Variants in OPCML observed in about 807,000 individuals in gnomAD.
OPCML encodes the protein opioid-binding protein/cell adhesion molecule.
OPCML carries 13 observed loss-of-function variants against 37.8 expected under a neutral mutation model. The ratio of observed to expected loss-of-function variants is 0.34; its 90% confidence interval spans 0.22 to 0.55. The LOEUF (loss-of-function observed/expected upper bound fraction) is 0.55, where lower values mean the gene tolerates loss of function less well. Among genes scored for constraint, OPCML ranks in the 20% least tolerant of loss-of-function variants. The pLI, the probability that OPCML is intolerant of heterozygous loss-of-function variation, is 0.91. For synonymous variants in OPCML, 176 were observed against 168.8 expected (o/e 1.04, Z -0.33); for missense variants, 341 against 435.6 (o/e 0.78, Z 1.93).
At chr11:132,917,230 G>T (rs1944637776) in intron 2 of OPCML, among the ~76,000 whole-genome samples, 2 of 152,178 alleles carry the variant, frequency 1.3e-5, no homozygotes, top group Admixed American at 1.3e-4. Flanking sequence ...ATTATAACTT[G>T]CCTGCTCACC....
At position 133,421,799 on chromosome 11, in the gene OPCML, C is replaced by T. The variant is rs970570137; in HGVS notation, c.61+110465G>A. 15 of 984,012 alleles carry T rather than the reference C, an allele frequency of 1.5e-5. No individual in the cohort carries two copies. In the African/African-American group the frequency reaches 2.4e-4, roughly 16 times the overall value. The allele number at this position is 984,012 out of a possible 1,614,324, so 61.0% of individuals were successfully genotyped here. A position where few individuals can be genotyped will look rare whatever the true frequency, so the allele number is the denominator to read the frequency against. ...TGGATATCAATTGCTTTCGAGTCTT[C>T]CAGCTGAGTCCTCAGGCACCACAGA... On this transcript the variant is annotated intron_variant, in intron 1 of 7. Transcript: ENST00000524381.
chr11:132,633,852 A>C (rs1940309287), intron 3 of OPCML, among the ~76,000 whole-genome samples: 1 of 151,744 alleles, frequency 6.6e-6, no homozygotes. Flanking sequence ...CCAACTAAAA[A>C]GGGTTTCAAC....
chr11:133,249,464 G>C (rs559401474), intron 1 of OPCML, among the ~76,000 whole-genome samples: 2 of 152,066 alleles, frequency 1.3e-5, no homozygotes, highest in African/African-American at 4.8e-5. Context: ...CCAACATTGC[G>C]GATCAAATTT....
intron 1 of OPCML, among the ~76,000 whole-genome samples, chr11:133,202,157 G>T (rs184969068): frequency 5.9e-5 from 9 of 152,292 alleles, no homozygotes; most frequent in African/African-American, 1.7e-4. Context: ...AGGGGTCTCT[G>T]CCGAGGTAAC....
chr11:133,392,803 C>A (rs1945200985), intron 1 of OPCML, among the ~76,000 whole-genome samples: 2 of 152,206 alleles, frequency 1.3e-5, no homozygotes, highest in Non-Finnish European at 2.9e-5. Context: ...ACAGTTGATT[C>A]TTATTTTTCA....
At chr11:133,243,117 A>G (rs2136415305) in intron 1 of OPCML, among the ~76,000 whole-genome samples, 1 of 152,314 alleles carries the variant, frequency 6.6e-6, no homozygotes, top group East Asian at 1.9e-4. Flanking sequence ...AAACTCCAGA[A>G]TCTACTGAAA....
In OPCML at chr11:132,700,814, T is replaced by C. The variant is rs1424649436; in HGVS notation, c.147-43495A>G. Among the ~76,000 whole-genome samples the C allele has an allele frequency of 3.3e-5, 5 of 152,172 alleles. No individual in the cohort carries two copies. In the East Asian group the frequency reaches 5.8e-4, roughly 18 times the overall value. On this transcript the variant is annotated intron_variant, in intron 2 of 7. Coordinates refer to ENST00000524381, the MANE Select transcript of OPCML (RefSeq NM_001012393.5). Reference sequence around the variant, plus strand: ...GTTAGGTCTATTTTGGCTTACAGCGTTGTTAAAGTGCATATTTCCTTATTG... The same window carrying C: ...GTTAGGTCTATTTTGGCTTACAGCGCTGTTAAAGTGCATATTTCCTTATTG...
chr11:132,617,162 A>G (rs1939082955), intron 3 of OPCML, among the ~76,000 whole-genome samples: 1 of 152,256 alleles, frequency 6.6e-6, no homozygotes, highest in South Asian at 2.1e-4. Flanking sequence ...CCACTTCTTA[A>G]GAAATCAATA....
chr11:133,476,891 A>G (rs1451106678), intron 1 of OPCML, among the ~76,000 whole-genome samples: 1 of 152,216 alleles, frequency 6.6e-6, no homozygotes, highest in Non-Finnish European at 1.5e-5. Flanking sequence ...TTGGCCATTC[A>G]TAAATTATGG....
rs185255326 is a variant in OPCML, at chr11:133,521,359, C to T, written c.61+10905G>A. On this transcript the variant is annotated intron_variant, in intron 1 of 7. Transcript: ENST00000524381. ...CAGGAAGTCAGTGCTTCCTTCCACA[C>T]GGTGAAGGCAGGATAGCTAATTGTT... is the stretch of plus-strand genomic sequence containing the variant. Among the ~76,000 whole-genome samples, 44 of 152,226 alleles carry T rather than the reference C, an allele frequency of 2.9e-4. No homozygotes were observed. The East Asian group carries it at 6.8e-3, about 23-fold the overall frequency.
intron 1 of OPCML, among the ~76,000 whole-genome samples, chr11:133,445,580 C>A (rs1953212314): frequency 6.6e-6 from 1 of 152,202 alleles, no homozygotes; most frequent in Non-Finnish European, 1.5e-5. Flanking sequence ...CCACACCTTG[C>A]AACTAAGTTC....
intron 2 of OPCML, among the ~76,000 whole-genome samples, chr11:132,746,527 T>C (rs1014707792): frequency 6.6e-6 from 1 of 152,112 alleles, no homozygotes; most frequent in Non-Finnish European, 1.5e-5. Flanking sequence ...GGTTTCTGAC[T>C]CAGGTCTGTC....
chr11:133,438,976 G>A (rs1946301467), intron 1 of OPCML, among the ~76,000 whole-genome samples: 1 of 152,148 alleles, frequency 6.6e-6, no homozygotes, highest in African/African-American at 2.4e-5. Context: ...CCCATGCCTT[G>A]CCCTACGAAT....
Position 133,003,714 on chromosome 11 carries a change from C to A in OPCML, c.62-60704G>T, listed in dbSNP as rs201260799. On this transcript the variant is annotated intron_variant, in intron 1 of 7. Transcript: ENST00000524381. ...TGCTTCCGGTAATGAATTAAAGTCC[C>A]TACTTCTTGAATATCTGACTTCCTG... 1.2e-5 allele frequency: 12 copies of A among 985,406 alleles called. No homozygotes were observed. The East Asian group carries it at 1.2e-3, about 103-fold the overall frequency. 61.0% of individuals were successfully genotyped at this position (985,406 alleles called of 1,614,324 possible). A position where few individuals can be genotyped will look rare whatever the true frequency, so the allele number is the denominator to read the frequency against.
At chr11:133,269,939 A>G (rs780406117) in intron 1 of OPCML, among the ~76,000 whole-genome samples, 3 of 152,222 alleles carry the variant, frequency 2.0e-5, no homozygotes, top group Non-Finnish European at 4.4e-5. Context: ...GATTTTATAC[A>G]TTTTATTCTC....
chr11:132,898,324 T>C (rs1591771914), intron 2 of OPCML, among the ~76,000 whole-genome samples: 1 of 152,300 alleles, frequency 6.6e-6, no homozygotes, highest in African/African-American at 2.4e-5. Flanking sequence ...CTTCCCTCCA[T>C]GCAATGCTTC....
At chr11:133,222,612 G>A (rs1424442604) in intron 1 of OPCML, among the ~76,000 whole-genome samples, 2 of 152,218 alleles carry the variant, frequency 1.3e-5, no homozygotes, top group Non-Finnish European at 2.9e-5. Flanking sequence ...CAGGTTGTGG[G>A]AAGTGGCCAT....
intron 1 of OPCML, among the ~76,000 whole-genome samples, chr11:133,157,789 G>A (rs1950082927): frequency 6.6e-6 from 1 of 152,176 alleles, no homozygotes; most frequent in Non-Finnish European, 1.5e-5. Flanking sequence ...TGTCCACCTA[G>A]CCTGCTAATT....
chr11:133,483,993 C>A (rs1947462171), intron 1 of OPCML, among the ~76,000 whole-genome samples: 1 of 147,116 alleles, frequency 6.8e-6, no homozygotes, highest in Admixed American at 6.8e-5. Flanking sequence ...AGATAGCTAG[C>A]TAGCTAGATA....
Sources: gnomAD v4.1 joint callset for allele counts (sites outside exome capture counted in the v4.1 genomes callset) on GRCh38, gnomAD v4.1.1 for gene constraint, MANE v1.5 for transcripts, NCBI Gene and HGNC (gene_info 2026-07-23, HGNC 2026-07-21) for gene names.